Variants in SLAIN1 observed in about 807,000 individuals in gnomAD.
The protein encoded by SLAIN1 is SLAIN motif-containing protein 1.
In SLAIN1, 17 loss-of-function variants were observed where a neutral mutation model predicts 55.4. The ratio of observed to expected loss-of-function variants is 0.31; its 90% confidence interval spans 0.21 to 0.46. The LOEUF (loss-of-function observed/expected upper bound fraction) is 0.46, where lower values mean the gene tolerates loss of function less well. Among genes scored for constraint, SLAIN1 ranks in the 20% least tolerant of loss-of-function variants. SLAIN1 has a pLI of 1.00. For missense variants in SLAIN1, 682 were observed against 785.1 expected (o/e 0.87, Z 1.57); for synonymous variants, 348 against 337.4 (o/e 1.03, Z -0.35).
chr13:77,729,108 A>G (rs904066235), intron 2 of SLAIN1, among the ~76,000 whole-genome samples: 6 of 152,158 alleles, frequency 3.9e-5, no homozygotes, highest in East Asian at 1.9e-4. Context: ...GCCCCAGTGC[A>G]TTTACTTCAG....
chr13:77,755,284 A>C (rs1258645407), intron 5 of SLAIN1, among the ~76,000 whole-genome samples: 1 of 151,862 alleles, frequency 6.6e-6, no homozygotes, highest in Non-Finnish European at 1.5e-5. Flanking sequence ...GCACCACTGC[A>C]CTCCAGCCTG....
At chr13:77,714,231 A>T (rs1428381275) in intron 1 of SLAIN1, among the ~76,000 whole-genome samples, 2 of 152,174 alleles carry the variant, frequency 1.3e-5, no homozygotes, top group African/African-American at 4.8e-5. Context: ...TCCACAGTTG[A>T]CTAACTAGTG....
chr13:77,758,594 A>G (rs1348180899), intron 5 of SLAIN1, among the ~76,000 whole-genome samples: 1 of 151,922 alleles, frequency 6.6e-6, no homozygotes, highest in Admixed American at 6.6e-5. Context: ...TTTTGAGTTG[A>G]TTTTTGTATA....
intron 3 of SLAIN1, among the ~76,000 whole-genome samples, chr13:77,745,211 A>ACTCT (rs768225799): frequency 7.3e-5 from 11 of 151,420 alleles, no homozygotes; most frequent in Non-Finnish European, 1.5e-4. Flanking sequence ...ACAGCTTAAT[A>ACTCT]CTCTCTCTAT....
At chr13:77,702,716 ATT>A (rs112755865) in intron 1 of SLAIN1, among the ~76,000 whole-genome samples, 1 of 151,284 alleles carries the variant, frequency 6.6e-6, no homozygotes, top group Non-Finnish European at 1.5e-5. Context: ...CATCACTGAT[ATT>A]TTTTTTTCCC....
intron 2 of SLAIN1, among the ~76,000 whole-genome samples, chr13:77,724,921 CTGAG>C (rs2091294236): frequency 6.6e-6 from 1 of 152,064 alleles, no homozygotes; most frequent in African/African-American, 2.4e-5. Flanking sequence ...ACAGATATTA[CTGAG>C]TGTTTTCTTT....
chr13:77,748,975 GATGT>G (rs926319391), intron 4 of SLAIN1, among the ~76,000 whole-genome samples: 1 of 152,156 alleles, frequency 6.6e-6, no homozygotes, highest in Non-Finnish European at 1.5e-5. Flanking sequence ...GCCTGGAGTG[GATGT>G]GCTAAATAAA....
At chr13:77,722,445 T>C (rs1387121338) in intron 2 of SLAIN1, among the ~76,000 whole-genome samples, 1 of 152,182 alleles carries the variant, frequency 6.6e-6, no homozygotes, top group Non-Finnish European at 1.5e-5. Context: ...TGCCCCAATC[T>C]CTCATGCCCT....
chr13:77,746,878 A>G (rs771602866), intron 4 of SLAIN1, 23 bp downstream of exon 4: 2 of 1,558,026 alleles, frequency 1.3e-6, no homozygotes, highest in Non-Finnish European at 1.7e-6. Context: ...CTTTTTTGGT[A>G]TTTGATATGC....
chr13:77,746,940 T>C (rs1308166761), intron 4 of SLAIN1, 85 bp downstream of exon 4: 2 of 1,241,570 alleles, frequency 1.6e-6, no homozygotes, highest in East Asian at 2.5e-5. Context: ...TTTGTTTTTG[T>C]TTTTGAGACA....
At chr13:77,705,247 T>G (rs1047784006) in intron 1 of SLAIN1, among the ~76,000 whole-genome samples, 2 of 151,868 alleles carry the variant, frequency 1.3e-5, no homozygotes, top group Non-Finnish European at 2.9e-5. Flanking sequence ...TATATTATTT[T>G]TGTTCTCCCA....
At chr13:77,724,159 T>C (rs2091287255) in intron 2 of SLAIN1, among the ~76,000 whole-genome samples, 1 of 152,156 alleles carries the variant, frequency 6.6e-6, no homozygotes, top group African/African-American at 2.4e-5. Context: ...CTATTTCAGT[T>C]TATTCAGGTA....
chr13:77,697,748 A>G lies in SLAIN1; in HGVS notation c.-166A>G, dbSNP rs2090987734. On this transcript the variant is annotated 5_prime_UTR_variant, in exon 1 of 7. Transcript: ENST00000418532. ...GCTCGGTGGTGGCTGCCGCGGCCGG[A>G]GGCGAGGGCCCGGTGCTGATGCGAA... 1.3e-5 allele frequency: 7 copies of G among 523,700 alleles called. No homozygotes were observed. The highest frequency in any genetic ancestry group is 1.9e-5 in the Non-Finnish European group (7 of 371,070). The allele number at this position is 523,700 out of a possible 1,614,324, so 32.4% of individuals were successfully genotyped here. A position where few individuals can be genotyped will look rare whatever the true frequency, so the allele number is the denominator to read the frequency against.
chr13:77,705,223 G>T (rs920712809), intron 1 of SLAIN1, among the ~76,000 whole-genome samples: 1 of 151,708 alleles, frequency 6.6e-6, no homozygotes, highest in Non-Finnish European at 1.5e-5. Flanking sequence ...AACATTCAGG[G>T]TTATCATGGG....
intron 5 of SLAIN1, among the ~76,000 whole-genome samples, chr13:77,757,330 T>C (rs1417433426): frequency 2.0e-5 from 3 of 152,172 alleles, no homozygotes; most frequent in Non-Finnish European, 2.9e-5. Context: ...AAGAGGACTT[T>C]GCTGTGTCAC....
At position 77,705,099 on chromosome 13, in the gene SLAIN1, T is replaced by G. The variant is rs571165232; in HGVS notation, c.626+6560T>G. On this transcript the variant is annotated intron_variant, in intron 1 of 6. Coordinates refer to ENST00000418532, the MANE Select transcript of SLAIN1 (RefSeq NM_001242868.2). ...TAAAATATATACTTGTGTGTATACA[T>G]ATGTGACTGTACCATTTGTTTTTTG... Among the ~76,000 whole-genome samples the G allele has an allele frequency of 1.3e-5, 2 of 151,778 alleles. 1 individual carries two copies. The highest frequency in any genetic ancestry group is 4.8e-5 in the African/African-American group (2 of 41,514).
At chr13:77,716,343 T>TA (rs2091207430) in intron 1 of SLAIN1, among the ~76,000 whole-genome samples, 1 of 151,634 alleles carries the variant, frequency 6.6e-6, no homozygotes, top group Non-Finnish European at 1.5e-5. Context: ...TTTTTTTTTT[T>TA]AACATTTGTT....
At chr13:77,755,242 C>T (rs1388181070) in intron 5 of SLAIN1, among the ~76,000 whole-genome samples, 1 of 151,832 alleles carries the variant, frequency 6.6e-6, no homozygotes, top group Non-Finnish European at 1.5e-5. Context: ...TCACTTGAGC[C>T]TGGGAGGTTG....
chr13:77,735,855 A>G (rs1873092390), intron 2 of SLAIN1, among the ~76,000 whole-genome samples: 1 of 150,858 alleles, frequency 6.6e-6, no homozygotes, highest in African/African-American at 2.4e-5. Flanking sequence ...TCTTCTCAGG[A>G]CCTTCCCTGT....
Sources: allele counts gnomAD v4.1 joint callset (sites outside exome capture counted in the v4.1 genomes callset), GRCh38; gene constraint gnomAD v4.1.1; transcripts MANE v1.5; gene names NCBI Gene and HGNC (gene_info 2026-07-23, HGNC 2026-07-21).